The following MTMR3 variants were observed in gnomAD, a reference collection of about 807,000 sequenced individuals.
MTMR3 encodes the protein phosphatidylinositol-3,5-bisphosphate 3-phosphatase MTMR3.
A neutral mutation model predicts 132.4 loss-of-function variants in MTMR3; 32 were observed. The observed-to-expected ratio is 0.24, with a 90% confidence interval of 0.18 to 0.32. The LOEUF (loss-of-function observed/expected upper bound fraction) is 0.32, where lower values mean the gene tolerates loss of function less well. Ranked by LOEUF, MTMR3 falls within the 10% of genes least tolerant of loss-of-function variation. The probability of loss-of-function intolerance (pLI) is 1.00; values close to 1 mark genes in which losing one functional copy is unlikely to be tolerated. For missense variants in MTMR3, 1,216 were observed against 1,489.6 expected (o/e 0.82, Z 3.02); for synonymous variants, 556 against 550.3 (o/e 1.01, Z -0.14).
intron 2 of MTMR3, among the ~76,000 whole-genome samples, chr22:29,964,935 T>G (rs964394078): frequency 1.4e-4 from 21 of 152,218 alleles, no homozygotes; most frequent in African/African-American, 5.1e-4. Flanking sequence ...CGGTACAGTT[T>G]AGCTACAATG....
chr22:29,892,897 A>C (rs1479182373), intron 1 of MTMR3, among the ~76,000 whole-genome samples: 1 of 152,200 alleles, frequency 6.6e-6, no homozygotes, highest in Non-Finnish European at 1.5e-5. Flanking sequence ...AGCTACTTTC[A>C]CATATATCTT....
chr22:29,981,989 C>CACGA (rs2066755009), intron 5 of MTMR3: 1 of 151,960 alleles, frequency 6.6e-6, no homozygotes, highest in South Asian at 2.1e-4. Flanking sequence ...GCAGGAGGAT[C>CACGA]ACGAGGTCAG....
intron 1 of MTMR3, among the ~76,000 whole-genome samples, chr22:29,938,305 TC>T (rs2065789500): frequency 6.6e-6 from 1 of 152,224 alleles, no homozygotes; most frequent in South Asian, 2.1e-4. Flanking sequence ...TACAACCTTC[TC>T]TTGAGTATAC....
chr22:30,022,191 T>G (rs1303535531), intron 18 of MTMR3, 52 bp downstream of exon 18: 1 of 1,435,490 alleles, frequency 7.0e-7, no homozygotes, highest in South Asian at 1.2e-5. Context: ...GTTTTGTGGT[T>G]CTTCTCCACC....
At chr22:29,954,790 T>TC (rs1378241720) in intron 1 of MTMR3, among the ~76,000 whole-genome samples, 2 of 152,166 alleles carry the variant, frequency 1.3e-5, no homozygotes, top group Non-Finnish European at 2.9e-5. Flanking sequence ...GAACCATTTC[T>TC]CCCCCAATTT....
At chr22:29,972,574 G>A (rs1018956570) in intron 3 of MTMR3, among the ~76,000 whole-genome samples, 6 of 152,068 alleles carry the variant, frequency 3.9e-5, no homozygotes, top group Non-Finnish European at 7.4e-5. Flanking sequence ...GTTGTATTCC[G>A]TTTTCTTTTT....
At position 30,013,344 on chromosome 22, in the gene MTMR3, G is replaced by A. The variant is rs1478062658; in HGVS notation, c.1318-12G>A. 1 of 1,613,330 alleles carries A rather than the reference G, an allele frequency of 6.2e-7. No homozygotes were observed. Among genetic ancestry groups the A allele is most frequent in the African/African-American group, 1.3e-5 (1 of 75,012 alleles). ...CTAGCACAAATGGTCTCTCCTGGAT[G>A]CTTCCCTGCAGGGTTTCCAGGTCCT... is the stretch of plus-strand genomic sequence containing the variant. On this transcript the variant is annotated splice_polypyrimidine_tract_variant and intron_variant, in intron 13 of 19. Transcript: ENST00000401950.
chr22:29,921,310 A>G (rs954765383), intron 1 of MTMR3, among the ~76,000 whole-genome samples: 1 of 152,196 alleles, frequency 6.6e-6, no homozygotes, highest in Non-Finnish European at 1.5e-5. Flanking sequence ...GTGAACTAAT[A>G]GAGCGAGAAC....
At chr22:30,007,856 G>T (rs1039867423) in intron 10 of MTMR3, 45 bp from the exon 11 acceptor site, 1 of 1,608,456 alleles carries the variant, frequency 6.2e-7, no homozygotes, top group Admixed American at 1.7e-5. Flanking sequence ...ACAGTTCTGG[G>T]AGAGACAGGC....
intron 1 of MTMR3, among the ~76,000 whole-genome samples, chr22:29,939,880 AT>A (rs926756633): frequency 1.1e-4 from 16 of 152,322 alleles, no homozygotes; most frequent in African/African-American, 3.8e-4. Context: ...GAAAGATGAC[AT>A]TCAACCATTG....
At chr22:29,945,809 T>G (rs1228504511) in intron 1 of MTMR3, among the ~76,000 whole-genome samples, 1 of 151,994 alleles carries the variant, frequency 6.6e-6, no homozygotes, top group Non-Finnish European at 1.5e-5. Context: ...CAGGCAAAGA[T>G]AATAGCAGTT....
At chr22:29,905,257 C>G (rs2065073453) in intron 1 of MTMR3, among the ~76,000 whole-genome samples, 1 of 152,086 alleles carries the variant, frequency 6.6e-6, no homozygotes, top group Non-Finnish European at 1.5e-5. Flanking sequence ...AAAAGCTAGC[C>G]CTTGGCCTGC....
intron 1 of MTMR3, among the ~76,000 whole-genome samples, chr22:29,900,432 T>C (rs1244407154): frequency 6.6e-6 from 1 of 152,216 alleles, no homozygotes; most frequent in Non-Finnish European, 1.5e-5. Context: ...ATTTAGGCCA[T>C]TGAATTTAGG....
intron 1 of MTMR3, among the ~76,000 whole-genome samples, chr22:29,933,185 G>A (rs1274124987): frequency 2.0e-5 from 3 of 151,974 alleles, no homozygotes; most frequent in Non-Finnish European, 2.9e-5. Context: ...AGCCAGGATG[G>A]TCTTGATCTC....
rs182709753 is a variant in MTMR3, at chr22:30,030,124, T to C, written c.*4323T>C. The C allele has an allele frequency of 3.3e-5, 5 of 152,398 alleles. No individual in the cohort carries two copies. Among genetic ancestry groups the C allele is most frequent in the African/African-American group, 1.2e-4 (5 of 41,568 alleles). The allele number at this position is 152,398 out of a possible 1,614,324, so 9.4% of individuals were successfully genotyped here. A position where few individuals can be genotyped will look rare whatever the true frequency, so the allele number is the denominator to read the frequency against. On this transcript the variant is annotated 3_prime_UTR_variant, in exon 20 of 20. Transcript: ENST00000401950. Reference sequence around the variant, plus strand: ...GCAGGTGTTCAGAGGCATGAAGGTCTGGGCAGGGGAAGGGCGTCTTCTGAA... The same window carrying C: ...GCAGGTGTTCAGAGGCATGAAGGTCCGGGCAGGGGAAGGGCGTCTTCTGAA...
At chr22:30,023,873 CTTT>C (rs34667478) in intron 19 of MTMR3, 1,318 of 176,794 alleles carry the variant, frequency 7.5e-3, no homozygotes, top group South Asian at 0.024. Flanking sequence ...TCTTTTTTCC[CTTT>C]TTTTTTTTTT....
chr22:29,908,422 A>G (rs1194473547), intron 1 of MTMR3, among the ~76,000 whole-genome samples: 1 of 152,224 alleles, frequency 6.6e-6, no homozygotes, highest in Non-Finnish European at 1.5e-5. Context: ...CCTTACTAGC[A>G]TTGCACACTT....
In MTMR3 at chr22:30,027,755, G is replaced by A. The variant is rs9983; in HGVS notation, c.*1954G>A. 0.16 allele frequency: 23,664 copies of A among 152,666 alleles called. 1,919 individuals are homozygous for A. Among genetic ancestry groups the A allele is most frequent in the South Asian group, 0.24 (1,161 of 4,820 alleles). The allele number at this position is 152,666 out of a possible 1,614,324, so 9.5% of individuals were successfully genotyped here. On this transcript the variant is annotated 3_prime_UTR_variant, in exon 20 of 20. Transcript: ENST00000401950. ...ACCCTTTTCTCCTAAAGAGGAGTCA[G>A]TCAGTGCTCCTATATTTTTCATTTT...
intron 5 of MTMR3, 65 bp downstream of exon 5, chr22:29,979,117 C>G: frequency 9.2e-7 from 1 of 1,086,144 alleles, no homozygotes; most frequent in Non-Finnish European, 1.4e-6. Context: ...AAACTTAATG[C>G]TCTCAAAGAG....
Sources: allele counts gnomAD v4.1 joint callset (sites outside exome capture counted in the v4.1 genomes callset), GRCh38; gene constraint gnomAD v4.1.1; transcripts MANE v1.5; gene names NCBI Gene and HGNC (gene_info 2026-07-23, HGNC 2026-07-21).